Variants in EFR3A observed in about 807,000 individuals in gnomAD.
EFR3A encodes the protein protein EFR3 homolog A.
A neutral mutation model predicts 104.4 loss-of-function variants in EFR3A; 76 were observed. The observed-to-expected ratio is 0.73, with a 90% CI of 0.60 to 0.88. The LOEUF (loss-of-function observed/expected upper bound fraction) is 0.88, where lower values mean the gene tolerates loss of function less well. Among genes scored for constraint, EFR3A ranks in the 40% least tolerant of loss-of-function variants. The probability of loss-of-function intolerance (pLI) is 0.00; values close to 1 mark genes in which losing one functional copy is unlikely to be tolerated. For missense variants in EFR3A, 985 were observed against 1,012.5 expected (o/e 0.97, Z 0.37); for synonymous variants, 330 against 330.0 (o/e 1.00, Z 0.00).
In EFR3A at chr8:131,994,500, A is replaced by G. The variant is rs11991681; in HGVS notation, c.2066-1906A>G. ...TATAATTTAATGTGTGCAGTGAGGT[A>G]GAAAACCTTGGGAACTCTGCATTAA... On this transcript the variant is annotated intron_variant, in intron 18 of 22. Coordinates refer to ENST00000254624, the MANE Select transcript of EFR3A (RefSeq NM_015137.6). 7.7e-3 allele frequency among the ~76,000 whole-genome samples: 1,180 copies of G among 152,298 alleles called. 26 individuals are homozygous for G. Among genetic ancestry groups the G allele is most frequent in the African/African-American group, 0.027 (1,124 of 41,566 alleles).
At chr8:131,904,659 T>C (rs1413805955) in intron 1 of EFR3A, among the ~76,000 whole-genome samples, 2 of 152,190 alleles carry the variant, frequency 1.3e-5, no homozygotes, top group East Asian at 1.9e-4. Flanking sequence ...TATGGAAATA[T>C]TGAAAATAAC....
At chr8:131,988,917 T>C (rs1037587291) in intron 18 of EFR3A, among the ~76,000 whole-genome samples, 4 of 152,136 alleles carry the variant, frequency 2.6e-5, no homozygotes, top group Admixed American at 6.6e-5. Context: ...ACCCCTGTTA[T>C]TTCTTTTTAC....
chr8:131,949,784 G>T (rs571806927), intron 4 of EFR3A, among the ~76,000 whole-genome samples, 185 bp from the exon 5 acceptor site: 2 of 152,250 alleles, frequency 1.3e-5, no homozygotes, highest in South Asian at 4.1e-4. Context: ...CTGCACTGCA[G>T]CCTGGGCAAC....
chr8:131,963,295 A>T (rs909748884), intron 8 of EFR3A, among the ~76,000 whole-genome samples: 1 of 151,994 alleles, frequency 6.6e-6, no homozygotes, highest in African/African-American at 2.4e-5. Context: ...GGTTTTTTGA[A>T]AAGATCAACA....
intron 1 of EFR3A, among the ~76,000 whole-genome samples, chr8:131,919,256 T>C (rs942882053): frequency 2.0e-5 from 3 of 152,288 alleles, no homozygotes; most frequent in Admixed American, 6.5e-5. Flanking sequence ...AAGGAAATGA[T>C]TGATTTTTAA....
chr8:131,920,514 G>A (rs1412024162), intron 1 of EFR3A, among the ~76,000 whole-genome samples: 2 of 152,096 alleles, frequency 1.3e-5, no homozygotes, highest in African/African-American at 4.8e-5. Flanking sequence ...TTCTAGAAGT[G>A]GTAAGTTTTG....
Position 131,979,425 on chromosome 8 carries a change from A to AG in EFR3A, c.1575+5dup, listed in dbSNP as rs1820489558. 1.3e-6 allele frequency: 2 copies of AG among 1,537,650 alleles called. No individual in the cohort carries two copies. Among genetic ancestry groups the AG allele is most frequent in the Non-Finnish European group, 8.8e-7 (1 of 1,131,992 alleles). Reference sequence around the variant, plus strand: ...AGACACAAGTTTCATGAAAAAGGTAAGACATCTTCTAAAAAAATAAATGTG... The same window carrying AG: ...AGACACAAGTTTCATGAAAAAGGTAAGGACATCTTCTAAAAAAATAAATGTG... On this transcript the variant is annotated splice_donor_region_variant and intron_variant, in intron 14 of 22. Transcript: ENST00000254624.
chr8:132,002,502 C>T, intron 20 of EFR3A, 101 bp from the exon 21 acceptor site: 2 of 846,768 alleles, frequency 2.4e-6, no homozygotes, highest in South Asian at 2.2e-5. Flanking sequence ...TGTAAATTGC[C>T]CTTAATTTTG....
chr8:131,965,178 AC>A (rs1819630698), intron 8 of EFR3A, among the ~76,000 whole-genome samples: 2 of 152,158 alleles, frequency 1.3e-5, no homozygotes, highest in African/African-American at 4.8e-5. Context: ...TGTCTAAAAC[AC>A]CAAAAGCAAT....
At position 131,978,306 on chromosome 8, in the gene EFR3A, GTTT is replaced by G. The variant is rs568621797; in HGVS notation, c.1327-539_1327-537del. ...GCATTTAAGTATATTCTCTTTAAAA[GTTT>G]TATGTTTAGAAGATATTGACGTACT... is the stretch of plus-strand genomic sequence containing the variant. On this transcript the variant is annotated intron_variant, in intron 12 of 22. Transcript: ENST00000254624. Among the ~76,000 whole-genome samples, 574 of 152,174 alleles carry G rather than the reference GTTT, an allele frequency of 3.8e-3. 2 individuals carry two copies. The highest frequency in any genetic ancestry group is 0.013 in the African/African-American group (545 of 41,538).
At chr8:131,933,384 G>T (rs550854561) in intron 1 of EFR3A, among the ~76,000 whole-genome samples, 2 of 152,092 alleles carry the variant, frequency 1.3e-5, no homozygotes, top group Non-Finnish European at 2.9e-5. Flanking sequence ...TTCTCTCCTG[G>T]TTGCAGCTTT....
chr8:131,925,428 A>G (rs1216951623), intron 1 of EFR3A, among the ~76,000 whole-genome samples: 1 of 152,146 alleles, frequency 6.6e-6, no homozygotes, highest in Non-Finnish European at 1.5e-5. Context: ...TTACCTACTT[A>G]GCTCTTGCAG....
chr8:131,971,486 A>G (rs545046043), intron 10 of EFR3A, among the ~76,000 whole-genome samples: 3 of 152,276 alleles, frequency 2.0e-5, no homozygotes, highest in Non-Finnish European at 4.4e-5. Flanking sequence ...CAGGAGATCA[A>G]GACCATCCTA....
At chr8:131,908,654 C>A (rs72728668) in intron 1 of EFR3A, among the ~76,000 whole-genome samples, 1,745 of 152,176 alleles carry the variant, frequency 0.011, 11 homozygotes, top group Middle Eastern at 0.034. Flanking sequence ...AGTAATAGAG[C>A]TGTTATTGCA....
Position 131,952,405 on chromosome 8 carries a change from T to TA in EFR3A, c.489-1413_489-1412insA, listed in dbSNP as rs559581874. 3.4e-3 allele frequency among the ~76,000 whole-genome samples: 512 copies of TA among 152,310 alleles called. 1 individual carries two copies. The highest frequency in any genetic ancestry group is 0.01 in the African/African-American group (434 of 41,562). ...GTTAGATCTGAATTGGATGAAGCTG[T>TA]GTAGCTATAGTAGCTATTGGTAGTT... On this transcript the variant is annotated intron_variant, in intron 5 of 22. Transcript: ENST00000254624.
At chr8:131,937,982 T>C (rs1817990482) in intron 1 of EFR3A, among the ~76,000 whole-genome samples, 1 of 152,086 alleles carries the variant, frequency 6.6e-6, no homozygotes, top group Non-Finnish European at 1.5e-5. Flanking sequence ...TTTATTAAGC[T>C]AGCAATATAA....
chr8:131,987,083 T>G (rs759330290), intron 17 of EFR3A, among the ~76,000 whole-genome samples: 31 of 152,136 alleles, frequency 2.0e-4, no homozygotes, highest in Non-Finnish European at 3.1e-4. Flanking sequence ...AAAAGCAGTT[T>G]ATTTTGAAAG....
rs1452701634 is a variant in EFR3A, at chr8:131,953,966, A to G, written c.637A>G (p.Ser213Gly). Reference sequence around the variant, plus strand: ...CATGCAAAAGATAGAAGAAGTTGACAGGTATTTAAAAAAATATTAGTGTTG... The same window carrying G: ...CATGCAAAAGATAGAAGAAGTTGACGGGTATTTAAAAAAATATTAGTGTTG... The part of the protein sequence containing the change: ...FNMQKIEEVD[S>G]RIGPPSSPSA... The change falls in exon 6 of 23, where the codon AGT becomes GGT. Residue 213 changes from serine (S) to glycine (G), a missense_variant and splice_region_variant. Coordinates refer to ENST00000254624, the MANE Select transcript of EFR3A (RefSeq NM_015137.6). 2.6e-6 allele frequency: 4 copies of G among 1,532,966 alleles called. No individual in the cohort carries two copies. Among genetic ancestry groups the G allele is most frequent in the Non-Finnish European group, 3.5e-6 (4 of 1,138,170 alleles). The allele number at this position is 1,532,966 out of a possible 1,614,324, so 95.0% of individuals were successfully genotyped here.
intron 22 of EFR3A, among the ~76,000 whole-genome samples, chr8:132,007,271 C>T (rs1372128464): frequency 6.6e-6 from 1 of 151,866 alleles, no homozygotes; most frequent in African/African-American, 2.4e-5. Flanking sequence ...AGAGTTAATA[C>T]ATGAATTAAA....
Sources: gnomAD v4.1 joint callset for allele counts (sites outside exome capture counted in the v4.1 genomes callset) on GRCh38, gnomAD v4.1.1 for gene constraint, MANE v1.5 for transcripts, NCBI Gene and HGNC (gene_info 2026-07-23, HGNC 2026-07-21) for gene names.